INPP5F: variants seen among roughly 807,000 people sequenced by gnomAD.
INPP5F encodes phosphatidylinositide 4-phosphatase SAC2.
Under a neutral mutation model 137.2 loss-of-function variants are expected in INPP5F, and 97 were observed. The ratio of observed to expected loss-of-function variants is 0.71; its 90% CI spans 0.60 to 0.84. The LOEUF is 0.84. INPP5F is among the 40% of genes least tolerant of loss of function. The probability of loss-of-function intolerance (pLI) is 0.00; values close to 1 mark genes in which losing one functional copy is unlikely to be tolerated. For missense variants in INPP5F, 1,271 were observed against 1,371.9 expected (o/e 0.93, Z 1.16); for synonymous variants, 504 against 476.9 (o/e 1.06, Z -0.74).
At chr10:119,773,774 A>G (rs1469766539) in intron 2 of INPP5F, among the ~76,000 whole-genome samples, 1 of 152,096 alleles carries the variant, frequency 6.6e-6, no homozygotes, top group Non-Finnish European at 1.5e-5. Flanking sequence ...ATCGTAGCTC[A>G]CTGACAACTT....
At chr10:119,820,481 G>A (rs1471879586) in intron 15 of INPP5F, among the ~76,000 whole-genome samples, 1 of 152,156 alleles carries the variant, frequency 6.6e-6, no homozygotes, top group African/African-American at 2.4e-5. Context: ...TAGTTTAGAT[G>A]ATTTCTCCCT....
At chr10:119,793,394 TAAAACAAAACAAAACAAAAC>T (rs59082717) in intron 6 of INPP5F, among the ~76,000 whole-genome samples, 27 of 149,616 alleles carry the variant, frequency 1.8e-4, no homozygotes, top group Admixed American at 3.3e-4. Context: ...GCAGGCTGCA[TAAAACAAAACAAAACAAAAC>T]AAAACAAAAC....
intron 1 of INPP5F, among the ~76,000 whole-genome samples, chr10:119,730,755 T>C (rs1848032922): frequency 6.6e-6 from 1 of 151,596 alleles, no homozygotes; most frequent in African/African-American, 2.4e-5. Context: ...AAACTGTATA[T>C]GGAAAGGTGA....
chr10:119,779,209 T>C (rs1390909853), intron 2 of INPP5F, among the ~76,000 whole-genome samples: 2 of 152,138 alleles, frequency 1.3e-5, no homozygotes, highest in Non-Finnish European at 2.9e-5. Flanking sequence ...GTACAAAAGA[T>C]ATGGTATGAA....
intron 3 of INPP5F, among the ~76,000 whole-genome samples, chr10:119,790,272 C>T (rs905530224): frequency 7.9e-5 from 12 of 152,076 alleles, no homozygotes; most frequent in Non-Finnish European, 1.5e-4. Context: ...TCTCTCCTTC[C>T]GTGTCACCTG....
At chr10:119,759,775 G>T (rs926195413) in intron 2 of INPP5F, among the ~76,000 whole-genome samples, 3 of 152,256 alleles carry the variant, frequency 2.0e-5, no homozygotes, top group Admixed American at 6.5e-5. Context: ...GCAGCTAAGT[G>T]GTGTGAGAGG....
chr10:119,792,570 T>TG (rs1345325596), intron 6 of INPP5F, among the ~76,000 whole-genome samples: 1 of 149,272 alleles, frequency 6.7e-6, no homozygotes, highest in Non-Finnish European at 1.5e-5. Flanking sequence ...GGTACCAGTT[T>TG]TTTTTTTTTT....
chr10:119,794,970 G>C, intron 6 of INPP5F, among the ~76,000 whole-genome samples: 1 of 137,582 alleles, frequency 7.3e-6, no homozygotes, highest in East Asian at 2.3e-4. Context: ...CCCAGTAGGG[G>C]TGGCCGGGCA....
chr10:119,801,499 G>A (rs763236710), intron 9 of INPP5F, among the ~76,000 whole-genome samples: 2 of 152,196 alleles, frequency 1.3e-5, no homozygotes, highest in African/African-American at 2.4e-5. Context: ...ATTTGAATTT[G>A]TTTCAGTGTA....
chr10:119,814,329 G>C (rs1026596448), intron 15 of INPP5F, among the ~76,000 whole-genome samples: 1 of 151,858 alleles, frequency 6.6e-6, no homozygotes, highest in Non-Finnish European at 1.5e-5. Flanking sequence ...GGAGGTTGCA[G>C]TGAGCCGAGA....
chr10:119,727,581 C>G (rs1847929780), intron 1 of INPP5F, among the ~76,000 whole-genome samples: 2 of 152,196 alleles, frequency 1.3e-5, no homozygotes, highest in African/African-American at 4.8e-5. Flanking sequence ...TGGGCAGGCC[C>G]CACTGCTTTC....
At position 119,748,168 on chromosome 10, in the gene INPP5F, C is replaced by T. The variant is rs995742591; in HGVS notation, c.98-2908C>T. On this transcript the variant is annotated intron_variant, in intron 1 of 19. Transcript: ENST00000650623. This position sits in a 1 kb window ranked among gnomAD's most constrained non-coding sequence, Gnocchi z 4.7. ...ACTATGCACAGCCAGGTGTGCCAGC[C>T]GTGGCAGGGCAGGCAGCTCCAGGCA... Among the ~76,000 whole-genome samples, 3 of 152,224 alleles carry T rather than the reference C, an allele frequency of 2.0e-5. No individual in the cohort carries two copies. Among genetic ancestry groups the T allele is most frequent in the African/African-American group, 2.4e-5 (1 of 41,462 alleles).
intron 2 of INPP5F, among the ~76,000 whole-genome samples, chr10:119,773,028 G>A (rs766545974): frequency 2.0e-5 from 3 of 151,134 alleles, no homozygotes; most frequent in Non-Finnish European, 3.0e-5. Flanking sequence ...GATTACAGGT[G>A]TGAGCCACTG....
chr10:119,783,932 A>C (rs1849789215), intron 3 of INPP5F, among the ~76,000 whole-genome samples: 1 of 152,210 alleles, frequency 6.6e-6, no homozygotes, highest in African/African-American at 2.4e-5. Context: ...AAGTATTTCC[A>C]GGTCCTATCT....
intron 1 of INPP5F, among the ~76,000 whole-genome samples, chr10:119,729,136 G>T (rs534068732): frequency 6.6e-6 from 1 of 151,960 alleles, no homozygotes; most frequent in Non-Finnish European, 1.5e-5. Flanking sequence ...TGTTTTTTTG[G>T]GGGAGGGGGA....
chr10:119,781,350 C>G (rs1027316249), intron 2 of INPP5F, among the ~76,000 whole-genome samples: 1 of 152,210 alleles, frequency 6.6e-6, no homozygotes, highest in Non-Finnish European at 1.5e-5. Flanking sequence ...TTCTCACAGT[C>G]TCGCCAGCAC....
intron 2 of INPP5F, among the ~76,000 whole-genome samples, chr10:119,752,073 A>G (rs1848704292): frequency 6.6e-6 from 1 of 152,236 alleles, no homozygotes; most frequent in South Asian, 2.1e-4. Flanking sequence ...CTTTTTATTT[A>G]AAAATAATAT....
chr10:119,820,738 T>C, intron 15 of INPP5F, 108 bp from the exon 16 acceptor site: 1 of 772,052 alleles, frequency 1.3e-6, no homozygotes, highest in Non-Finnish European at 2.3e-6. Flanking sequence ...TTCTTTTCCC[T>C]CCCCCTGGCC....
chr10:119,737,357 C>G (rs1848245405), intron 1 of INPP5F, among the ~76,000 whole-genome samples: 1 of 152,166 alleles, frequency 6.6e-6, no homozygotes, highest in Admixed American at 6.5e-5. Flanking sequence ...TAATACAGGT[C>G]CTTCCCAGTG....
Sources: gnomAD v4.1 joint callset for allele counts (sites outside exome capture counted in the v4.1 genomes callset) on GRCh38, gnomAD v4.1.1 for gene constraint, Gnocchi (gnomAD v3.1) non-coding constraint, MANE v1.5 for transcripts, NCBI Gene and HGNC (gene_info 2026-07-23, HGNC 2026-07-21) for gene names.